DENND5B: variants seen among roughly 807,000 people sequenced by gnomAD.
DENND5B encodes the protein DENN domain containing 5B, also known as DENN domain-containing protein 5B.
In DENND5B, 34 loss-of-function variants were observed where a neutral mutation model predicts 140.6. The ratio of observed to expected loss-of-function variants is 0.24; its 90% confidence interval spans 0.18 to 0.32. The LOEUF (loss-of-function observed/expected upper bound fraction) is 0.32, where lower values mean the gene tolerates loss of function less well. Among genes scored for constraint, DENND5B ranks in the 10% least tolerant of loss-of-function variants. The pLI is 1.00. For missense variants in DENND5B, 1,142 were observed against 1,560.2 expected (o/e 0.73, Z 4.52); for synonymous variants, 551 against 562.1 (o/e 0.98, Z 0.28).
chr12:31,400,315 T>G (rs928742564), intron 15 of DENND5B, among the ~76,000 whole-genome samples: 1 of 152,214 alleles, frequency 6.6e-6, no homozygotes, highest in Non-Finnish European at 1.5e-5. Context: ...AATAAGATAC[T>G]AAGGCAGAAC....
intron 1 of DENND5B, among the ~76,000 whole-genome samples, chr12:31,557,812 G>A (rs1949346606): frequency 9.0e-6 from 1 of 111,110 alleles, no homozygotes; most frequent in East Asian, 2.9e-4. Context: ...GAGCTGTGGT[G>A]GCAAAAAAAA....
intron 11 of DENND5B, 138 bp from the exon 12 acceptor site, chr12:31,415,586 A>T (rs1942694980): frequency 3.1e-6 from 2 of 642,248 alleles, no homozygotes. Context: ...CAAAAAACAA[A>T]TTTTAAAGAA....
At chr12:31,520,956 G>A (rs1411699365) in intron 1 of DENND5B, among the ~76,000 whole-genome samples, 1 of 152,166 alleles carries the variant, frequency 6.6e-6, no homozygotes, top group Non-Finnish European at 1.5e-5. Context: ...AAAAATGTTA[G>A]TGAGATATTA....
At chr12:31,589,454 G>T (rs1218768910) in intron 1 of DENND5B, among the ~76,000 whole-genome samples, 1 of 151,844 alleles carries the variant, frequency 6.6e-6, no homozygotes, top group Non-Finnish European at 1.5e-5. Flanking sequence ...TACCTCCGAA[G>T]AATATGAAAA....
intron 1 of DENND5B, among the ~76,000 whole-genome samples, chr12:31,513,902 A>G (rs1331325936): frequency 2.0e-5 from 3 of 151,836 alleles, no homozygotes; most frequent in Middle Eastern, 6.8e-3. Context: ...CAGTAGCACA[A>G]TCATTGTTCA....
chr12:31,448,228 G>A (rs1037085001), intron 5 of DENND5B, among the ~76,000 whole-genome samples: 10 of 151,200 alleles, frequency 6.6e-5, no homozygotes, highest in East Asian at 2.0e-4. Flanking sequence ...CCCGCCTCCC[G>A]GGTTCATGCC....
intron 14 of DENND5B, among the ~76,000 whole-genome samples, chr12:31,405,524 ATG>A (rs1348098916): frequency 3.6e-4 from 54 of 148,020 alleles, no homozygotes; most frequent in African/African-American, 1.3e-3. Flanking sequence ...GTATGTATGT[ATG>A]TATGTATGTA....
At position 31,414,018 on chromosome 12, in the gene DENND5B, T is replaced by C. The variant is rs1023239540; in HGVS notation, c.2553-454A>G. Among the ~76,000 whole-genome samples, 85 of 152,222 alleles carry C rather than the reference T, an allele frequency of 5.6e-4. 1 individual carries two copies. Among genetic ancestry groups the C allele is most frequent in the African/African-American group, 2.0e-3 (81 of 41,470 alleles). On this transcript the variant is annotated intron_variant, in intron 12 of 20. Coordinates refer to ENST00000389082, the MANE Select transcript of DENND5B (RefSeq NM_144973.4). ...TTTTCAAGTTGCACTGGACAACATATGGAAAATATGAAATCTTACTTTCTA... is the reference window on the plus strand; with the variant it reads ...TTTTCAAGTTGCACTGGACAACATACGGAAAATATGAAATCTTACTTTCTA...
chr12:31,510,629 CATCTCA>C (rs1414348928), intron 1 of DENND5B, among the ~76,000 whole-genome samples: 1 of 152,216 alleles, frequency 6.6e-6, no homozygotes, highest in Non-Finnish European at 1.5e-5. Flanking sequence ...TGGCACCCAA[CATCTCA>C]AATCAAACCA....
chr12:31,466,991 A>C (rs7954023), intron 3 of DENND5B, among the ~76,000 whole-genome samples: 84,954 of 151,712 alleles, frequency 0.56, 24,316 homozygotes, highest in East Asian at 0.82. Context: ...TTAGAATGAC[A>C]TTAGAGGTGA....
chr12:31,478,757 A>G (rs1945935547), intron 3 of DENND5B, among the ~76,000 whole-genome samples: 1 of 152,126 alleles, frequency 6.6e-6, no homozygotes, highest in Non-Finnish European at 1.5e-5. Context: ...CTATCAGTGT[A>G]CAGGTACTAT....
chr12:31,492,882 C>T (rs1014895738), intron 2 of DENND5B, among the ~76,000 whole-genome samples: 40 of 152,194 alleles, frequency 2.6e-4, no homozygotes, highest in African/African-American at 8.0e-4. Context: ...ACAATATTAA[C>T]TTCCAGCAAA....
At chr12:31,518,306 C>CT (rs1947748597) in intron 1 of DENND5B, among the ~76,000 whole-genome samples, 1 of 151,856 alleles carries the variant, frequency 6.6e-6, no homozygotes, top group Admixed American at 6.6e-5. Context: ...AGTCCCTCTC[C>CT]CTCTCTCATT....
chr12:31,527,555 G>A (rs868443505), intron 1 of DENND5B, among the ~76,000 whole-genome samples: 11 of 152,080 alleles, frequency 7.2e-5, no homozygotes, highest in Admixed American at 3.3e-4. Flanking sequence ...CGAGGCGGGC[G>A]GATCATGAGG....
intron 14 of DENND5B, among the ~76,000 whole-genome samples, chr12:31,408,243 GAGCTGA>G (rs1565549941): frequency 1.3e-5 from 2 of 151,938 alleles, no homozygotes; most frequent in Non-Finnish European, 2.9e-5. Context: ...AGGTTGCAGT[GAGCTGA>G]GATTCCACCA....
At chr12:31,548,180 G>A (rs1422291133) in intron 1 of DENND5B, among the ~76,000 whole-genome samples, 2 of 151,844 alleles carry the variant, frequency 1.3e-5, no homozygotes, top group East Asian at 1.9e-4. Context: ...TCACTTGAGC[G>A]CAGAAGTTCA....
At chr12:31,445,273 C>T (rs1944227192) in intron 6 of DENND5B, among the ~76,000 whole-genome samples, 1 of 152,208 alleles carries the variant, frequency 6.6e-6, no homozygotes. Flanking sequence ...TTAAGGCTTC[C>T]TGTGCCAGAA....
chr12:31,452,830 A>C (rs1389656604), intron 4 of DENND5B, among the ~76,000 whole-genome samples: 1 of 151,906 alleles, frequency 6.6e-6, no homozygotes, highest in Non-Finnish European at 1.5e-5. Flanking sequence ...TATATGAATA[A>C]TTTTCTCTGG....
At chr12:31,471,456 C>T (rs1021254887) in intron 3 of DENND5B, among the ~76,000 whole-genome samples, 49 of 136,796 alleles carry the variant, frequency 3.6e-4, no homozygotes, top group Middle Eastern at 4.0e-3. Context: ...CACCACCATG[C>T]CTGTATTTTT....
Sources: gnomAD v4.1 joint callset for allele counts (sites outside exome capture counted in the v4.1 genomes callset) on GRCh38, gnomAD v4.1.1 for gene constraint, MANE v1.5 for transcripts, NCBI Gene and HGNC (gene_info 2026-07-23, HGNC 2026-07-21) for gene names.